The following GRIK4 variants were observed in gnomAD, a reference collection of about 807,000 sequenced individuals.
GRIK4 encodes glutamate receptor ionotropic, kainate 4.
GRIK4 carries 40 observed loss-of-function variants against 104.9 expected under a neutral mutation model. That is an observed-to-expected ratio of 0.38 (90% confidence interval 0.30 to 0.50). The LOEUF (loss-of-function observed/expected upper bound fraction) is 0.50, where lower values mean the gene tolerates loss of function less well. Ranked by LOEUF, GRIK4 falls within the 20% of genes least tolerant of loss-of-function variation. The pLI is 0.93. For missense variants in GRIK4, 1,047 were observed against 1,308.1 expected (o/e 0.80, Z 3.08); for synonymous variants, 485 against 524.9 (o/e 0.92, Z 1.04).
At chr11:120,847,605 C>G (rs575214722) in intron 8 of GRIK4, among the ~76,000 whole-genome samples, 18 of 152,300 alleles carry the variant, frequency 1.2e-4, no homozygotes, top group Admixed American at 1.0e-3. Context: ...TGCTTTTTAG[C>G]TAAGGCCTTA....
intron 12 of GRIK4, among the ~76,000 whole-genome samples, chr11:120,899,592 T>G (rs1305667764): frequency 6.6e-6 from 1 of 152,168 alleles, no homozygotes; most frequent in African/African-American, 2.4e-5. Flanking sequence ...AGCTCTGTTC[T>G]CTATCCTGAG....
At chr11:120,603,220 G>A (rs1948911098) in intron 1 of GRIK4, among the ~76,000 whole-genome samples, 1 of 152,180 alleles carries the variant, frequency 6.6e-6, no homozygotes, top group Non-Finnish European at 1.5e-5. Context: ...GGTAGGGCAG[G>A]CATTTTCCCA....
At chr11:120,689,832 A>C (rs1048527329) in intron 3 of GRIK4, among the ~76,000 whole-genome samples, 1 of 152,112 alleles carries the variant, frequency 6.6e-6, no homozygotes, top group Admixed American at 6.6e-5. Flanking sequence ...CACCCCCGCC[A>C]GGGCAAACTC....
At chr11:120,666,016 G>T (rs916577402) in intron 3 of GRIK4, among the ~76,000 whole-genome samples, 2 of 152,176 alleles carry the variant, frequency 1.3e-5, no homozygotes, top group Non-Finnish European at 2.9e-5. Flanking sequence ...GGTTAGAGAT[G>T]AATTAGGCCT....
chr11:120,801,095 A>G (rs1025988070), intron 3 of GRIK4, among the ~76,000 whole-genome samples: 1 of 152,036 alleles, frequency 6.6e-6, no homozygotes, highest in Admixed American at 6.6e-5. Flanking sequence ...GACACTCCTC[A>G]TTTCTCCCAA....
At chr11:120,983,013 T>C (rs1251641864) in intron 20 of GRIK4, among the ~76,000 whole-genome samples, 1 of 152,074 alleles carries the variant, frequency 6.6e-6, no homozygotes, top group African/African-American at 2.4e-5. Flanking sequence ...TGCGTAGAGC[T>C]TCATTTTACT....
At chr11:120,752,226 A>G (rs1405199232) in intron 3 of GRIK4, among the ~76,000 whole-genome samples, 4 of 152,192 alleles carry the variant, frequency 2.6e-5, no homozygotes, top group Non-Finnish European at 5.9e-5. Context: ...TCTGATTTAA[A>G]ATCTAGCTCT....
intron 8 of GRIK4, among the ~76,000 whole-genome samples, chr11:120,842,373 A>C (rs1040121871): frequency 6.6e-6 from 1 of 152,206 alleles, no homozygotes; most frequent in Admixed American, 6.5e-5. Flanking sequence ...GTATTATTTC[A>C]GCTCACAATT....
chr11:120,867,890 A>G (rs1954469061), intron 9 of GRIK4: 1 of 152,226 alleles, frequency 6.6e-6, no homozygotes, highest in Non-Finnish European at 1.5e-5. Flanking sequence ...CATTAAAATT[A>G]CAGATGGCTA....
intron 9 of GRIK4, among the ~76,000 whole-genome samples, chr11:120,865,006 T>C (rs2135643428): frequency 6.6e-6 from 1 of 152,382 alleles, no homozygotes; most frequent in Middle Eastern, 3.4e-3. Context: ...TCTTAGAGCA[T>C]TATTGTGAAG....
At chr11:120,682,064 A>G (rs1190486744) in intron 3 of GRIK4, among the ~76,000 whole-genome samples, 1 of 152,230 alleles carries the variant, frequency 6.6e-6, no homozygotes, top group Non-Finnish European at 1.5e-5. Context: ...AGATGTCAAG[A>G]TAAAAACAGC....
chr11:120,837,420 G>C (rs1041313028), intron 8 of GRIK4, among the ~76,000 whole-genome samples: 1 of 152,164 alleles, frequency 6.6e-6, no homozygotes, highest in African/African-American at 2.4e-5. Flanking sequence ...TCAGGAAGCC[G>C]TTCAGCCTTC....
In GRIK4 at chr11:120,987,448, TGTGTGTGTATGTGTGCGCGCGTGTGC is replaced by T. The variant is rs1388729531; in HGVS notation, c.*1199_*1224del. The T allele has an allele frequency of 6.6e-6, 1 of 151,574 alleles. No homozygotes were observed. Among genetic ancestry groups the T allele is most frequent in the African/African-American group, 2.4e-5 (1 of 40,882 alleles). The allele number at this position is 151,574 out of a possible 1,614,324, so 9.4% of individuals were successfully genotyped here. A position where few individuals can be genotyped will look rare whatever the true frequency, so the allele number is the denominator to read the frequency against. On this transcript the variant is annotated 3_prime_UTR_variant, in exon 21 of 21. Coordinates refer to ENST00000527524, the MANE Select transcript of GRIK4 (RefSeq NM_014619.5). ...GACGTGAGACCTGGGTGCAAGTGTA[TGTGTGTGTATGTGTGCGCGCGTGTGC>T]GTGTGTGTATTTATTCAACAGAAAG... is the stretch of plus-strand genomic sequence containing the variant.
chr11:120,945,186 G>A lies in GRIK4; in HGVS notation c.1590+4726G>A, dbSNP rs112484071. Reference sequence around the variant, plus strand: ...TTCCTGCCTCCTCATCTAGGTTCACGCTCATCTACCTGCCTCTCAGCCAGC... The same window carrying A: ...TTCCTGCCTCCTCATCTAGGTTCACACTCATCTACCTGCCTCTCAGCCAGC... On this transcript the variant is annotated intron_variant, in intron 14 of 20. Transcript: ENST00000527524. Among the ~76,000 whole-genome samples the A allele has an allele frequency of 5.0e-3, 755 of 152,150 alleles. 16 individuals are homozygous for A. Among genetic ancestry groups the A allele is most frequent in the African/African-American group, 0.017 (690 of 41,492 alleles).
chr11:120,541,094 G>A (rs1948029808), intron 1 of GRIK4, among the ~76,000 whole-genome samples: 1 of 152,288 alleles, frequency 6.6e-6, no homozygotes, highest in Non-Finnish European at 1.5e-5. Flanking sequence ...CCCCTGGACT[G>A]AGGCGCAGCT....
chr11:120,980,408 A>G (rs1446879757), intron 19 of GRIK4, among the ~76,000 whole-genome samples: 2 of 152,018 alleles, frequency 1.3e-5, no homozygotes, highest in East Asian at 1.9e-4. Flanking sequence ...TCTGCCTACA[A>G]CCCCAGCCAG....
chr11:120,980,140 T>C (rs529237907), intron 19 of GRIK4, among the ~76,000 whole-genome samples: 2 of 152,282 alleles, frequency 1.3e-5, no homozygotes, highest in Admixed American at 6.5e-5. Context: ...CCAGCCCCTT[T>C]TCCTGTTTTC....
At chr11:120,629,553 C>T (rs1949306680) in intron 1 of GRIK4, among the ~76,000 whole-genome samples, 1 of 152,104 alleles carries the variant, frequency 6.6e-6, no homozygotes, top group South Asian at 2.1e-4. Flanking sequence ...CTGAATCTCT[C>T]CTCTGGGCCA....
intron 8 of GRIK4, among the ~76,000 whole-genome samples, chr11:120,856,041 C>G (rs1479752191): frequency 6.6e-6 from 1 of 152,234 alleles, no homozygotes; most frequent in Non-Finnish European, 1.5e-5. Context: ...AGTGCACCCA[C>G]TTTGGTGACA....
Sources: gnomAD v4.1 joint callset for allele counts (sites outside exome capture counted in the v4.1 genomes callset) on GRCh38, gnomAD v4.1.1 for gene constraint, MANE v1.5 for transcripts, NCBI Gene and HGNC (gene_info 2026-07-23, HGNC 2026-07-21) for gene names.